DMD: variants seen among roughly 807,000 people sequenced by gnomAD.
DMD encodes the protein mutant dystrophin.
DMD carries 63 observed loss-of-function variants against 330.1 expected under a neutral mutation model. That is an observed-to-expected ratio of 0.19 (90% CI 0.16 to 0.24). The LOEUF (loss-of-function observed/expected upper bound fraction) is 0.24, where lower values mean the gene tolerates loss of function less well. Among genes scored for constraint, DMD ranks in the 10% least tolerant of loss-of-function variants. The pLI is 1.00. For missense variants in DMD, 3,344 were observed against 2,684.1 expected (o/e 1.25, Z -5.43); for synonymous variants, 1,223 against 959.8 (o/e 1.27, Z -5.07).
At chrX:33,074,878 T>C (rs189359859) in intron 1 of DMD, among the ~76,000 whole-genome samples, 2 of 112,181 alleles carry the variant, frequency 1.8e-5, no homozygotes, top group East Asian at 5.6e-4. Flanking sequence ...GCCTTCAAGC[T>C]GCTCTTAATT....
At chrX:33,051,646 A>ATTTTT (rs754035822) in intron 1 of DMD, among the ~76,000 whole-genome samples, 8 of 71,955 alleles carry the variant, frequency 1.1e-4, no homozygotes, top group East Asian at 9.2e-4. Context: ...ATTACGCTCT[A>ATTTTT]TTTTTTTTTT....
intron 48 of DMD, among the ~76,000 whole-genome samples, chrX:31,867,256 T>A (rs190525391): frequency 2.2e-3 from 245 of 110,165 alleles, no homozygotes; most frequent in South Asian, 5.0e-3. Context: ...AAATATTGTT[T>A]CTTATCAGAA....
chrX:31,979,357 A>G (rs1179013284), intron 44 of DMD, among the ~76,000 whole-genome samples: 1 of 112,126 alleles, frequency 8.9e-6, no homozygotes, highest in Admixed American at 9.4e-5. Flanking sequence ...TGCCCAGCCT[A>G]AATTTCATTA....
At position 32,374,176 on chromosome X, in the gene DMD, T is replaced by G. The variant is rs921768945; in HGVS notation, c.4845+6334A>C. Among the ~76,000 whole-genome samples the G allele has an allele frequency of 5.4e-5, 6 of 111,728 alleles. No individual in the cohort carries two copies. In the Admixed American group the frequency reaches 5.7e-4, roughly 11 times the overall value. ...TTTTTTTAATTTCTTGTTGACAAGT[T>G]TAAGTTCCTTATAGATTCTGGATAT... is the stretch of plus-strand genomic sequence containing the variant. On this transcript the variant is annotated intron_variant, in intron 34 of 78. Coordinates refer to ENST00000357033, the MANE Select transcript of DMD (RefSeq NM_004006.3).
intron 43 of DMD, among the ~76,000 whole-genome samples, chrX:32,269,619 A>G (rs1196584121): frequency 9.0e-6 from 1 of 111,702 alleles, no homozygotes; most frequent in Non-Finnish European, 1.9e-5. Context: ...CTATATAGTA[A>G]GTGACCTTAC....
intron 44 of DMD, among the ~76,000 whole-genome samples, chrX:32,071,349 C>T (rs1438198879): frequency 1.8e-5 from 2 of 109,737 alleles, no homozygotes; most frequent in African/African-American, 3.3e-5. Context: ...TTTTAATGAT[C>T]GCCATTCTAA....
At chrX:31,440,458 T>C (rs751773199) in intron 60 of DMD, among the ~76,000 whole-genome samples, 4 of 111,914 alleles carry the variant, frequency 3.6e-5, no homozygotes, top group African/African-American at 9.7e-5. Context: ...CATTATTGCT[T>C]TGTTAAGTCC....
At chrX:32,194,354 C>T (rs1007584037) in intron 44 of DMD, among the ~76,000 whole-genome samples, 2 of 112,206 alleles carry the variant, frequency 1.8e-5, no homozygotes, top group African/African-American at 6.5e-5. Flanking sequence ...TCTGTCCACT[C>T]AATTCCAACC....
At chrX:32,804,905 CAG>C (rs760477510) in intron 7 of DMD, among the ~76,000 whole-genome samples, 4 of 112,107 alleles carry the variant, frequency 3.6e-5, no homozygotes, top group Non-Finnish European at 7.5e-5. Context: ...AAAACTAAAA[CAG>C]AAAGGAATAG....
chrX:32,668,794 C>A (rs1185378906), intron 9 of DMD, among the ~76,000 whole-genome samples: 1 of 109,723 alleles, frequency 9.1e-6, no homozygotes, highest in Non-Finnish European at 1.9e-5. Context: ...AATACAGAGA[C>A]TACGGCATTG....
intron 43 of DMD, among the ~76,000 whole-genome samples, chrX:32,280,178 TATATATATAC>T (rs1348329778): frequency 0.019 from 460 of 24,649 alleles, 3 homozygotes; most frequent in Non-Finnish European, 0.043. Context: ...TATATATATA[TATATATATAC>T]ACACTATGTA....
At chrX:32,048,302 G>GT (rs373753995) in intron 44 of DMD, among the ~76,000 whole-genome samples, 99 of 97,386 alleles carry the variant, frequency 1.0e-3, no homozygotes, top group East Asian at 6.1e-3. Flanking sequence ...TTTGAACTGT[G>GT]TTTTTTTTTT....
chrX:31,653,098 C>G (rs921879737), intron 54 of DMD, among the ~76,000 whole-genome samples: 1 of 110,830 alleles, frequency 9.0e-6, no homozygotes, highest in Admixed American at 9.6e-5. Context: ...TTGCTACACA[C>G]AAAATAGGGC....
intron 51 of DMD, among the ~76,000 whole-genome samples, chrX:31,760,421 G>A (rs1385233171): frequency 1.8e-4 from 20 of 112,037 alleles, no homozygotes; most frequent in African/African-American, 6.5e-4. Flanking sequence ...ATGTAGGACA[G>A]TGGTCCTATA....
chrX:32,134,495 CT>C (rs199650089), intron 44 of DMD, among the ~76,000 whole-genome samples: 4 of 108,589 alleles, frequency 3.7e-5, no homozygotes, highest in Non-Finnish European at 5.8e-5. Flanking sequence ...TACACATGTC[CT>C]TTTTTTTTCT....
intron 1 of DMD, among the ~76,000 whole-genome samples, chrX:33,230,706 T>C (rs1308626600): frequency 9.0e-6 from 1 of 111,022 alleles, no homozygotes; most frequent in Non-Finnish European, 1.9e-5. Context: ...CTTTTCTTGC[T>C]CTTAATTATT....
intron 53 of DMD, among the ~76,000 whole-genome samples, chrX:31,667,444 C>T (rs2081493699): frequency 9.1e-6 from 1 of 110,452 alleles, no homozygotes; most frequent in African/African-American, 3.3e-5. Context: ...TCAGCATACA[C>T]CTGGGAGTAG....
intron 11 of DMD, among the ~76,000 whole-genome samples, chrX:32,618,074 A>T (rs1307837981): frequency 8.9e-6 from 1 of 112,203 alleles, no homozygotes; most frequent in Non-Finnish European, 1.9e-5. Context: ...GTGGGAGTGT[A>T]AATTATTTCA....
At chrX:33,233,908 C>A (rs1206467085) in intron 1 of DMD, among the ~76,000 whole-genome samples, 1 of 112,207 alleles carries the variant, frequency 8.9e-6, no homozygotes, top group Admixed American at 9.4e-5. Flanking sequence ...GATAACCGAG[C>A]AAAAGCCACA....
Sources: allele counts gnomAD v4.1 joint callset (sites outside exome capture counted in the v4.1 genomes callset), GRCh38; gene constraint gnomAD v4.1.1; transcripts MANE v1.5; gene names NCBI Gene and HGNC (gene_info 2026-07-23, HGNC 2026-07-21).